The following KIF18A variants were observed in gnomAD, a reference collection of about 807,000 sequenced individuals.
KIF18A encodes kinesin family member 18A.
Under a neutral mutation model 103.3 loss-of-function variants are expected in KIF18A, and 67 were observed. The observed-to-expected ratio is 0.65, with a 90% CI of 0.53 to 0.79. KIF18A has a LOEUF of 0.79. KIF18A is among the 30% of genes least tolerant of loss of function. The pLI, the probability that KIF18A is intolerant of heterozygous loss-of-function variation, is 0.00. For synonymous variants in KIF18A, 367 were observed against 355.5 expected (o/e 1.03, Z -0.36); for missense variants, 1,032 against 1,062.5 (o/e 0.97, Z 0.40).
At chr11:28,079,829 T>A (rs1432151123) in intron 9 of KIF18A, among the ~76,000 whole-genome samples, 1 of 152,094 alleles carries the variant, frequency 6.6e-6, no homozygotes, top group Non-Finnish European at 1.5e-5. Context: ...AAGATTAACA[T>A]CTTGATCCAG....
chr11:28,048,016 G>T (rs1298059784), intron 13 of KIF18A, among the ~76,000 whole-genome samples: 1 of 152,070 alleles, frequency 6.6e-6, no homozygotes, highest in Admixed American at 6.6e-5. Context: ...TGGCTGGTCT[G>T]TCTCTGAGAG....
chr11:28,076,406 T>C (rs1851091578), intron 10 of KIF18A: 1 of 152,186 alleles, frequency 6.6e-6, no homozygotes, highest in African/African-American at 2.4e-5. Flanking sequence ...CCTGAGTGGG[T>C]AAACTTCGTG....
intron 10 of KIF18A, among the ~76,000 whole-genome samples, chr11:28,073,977 T>C (rs1851057730): frequency 6.6e-6 from 1 of 151,968 alleles, no homozygotes; most frequent in Non-Finnish European, 1.5e-5. Flanking sequence ...GACACTTATA[T>C]AATCTACACA....
intron 13 of KIF18A, among the ~76,000 whole-genome samples, chr11:28,042,362 C>A (rs1850571331): frequency 6.6e-6 from 1 of 151,822 alleles, no homozygotes; most frequent in African/African-American, 2.4e-5. Flanking sequence ...TCTGCATATT[C>A]ATCTCTGGAC....
chr11:28,073,913 T>C (rs1230788178), intron 10 of KIF18A, among the ~76,000 whole-genome samples: 1 of 152,192 alleles, frequency 6.6e-6, no homozygotes, highest in East Asian at 1.9e-4. Flanking sequence ...TATGGCTGCA[T>C]TTCTTGCCTT....
rs2133496562 is a variant in KIF18A, at chr11:28,036,398, T to C, written c.2215A>G (p.Ile739Val). Residue 739 changes from isoleucine to valine, a missense_variant, in exon 14 of 17, where the codon ATA (isoleucine) becomes GTA (valine). Physicochemically the swap from Ile to Val is conservative, Grantham distance 29. Transcript: ENST00000263181. ...TTSFQAISSN[I>V]NSDNCLKMLC... ...ATTTTCAGACAATTATCACTGTTTA[T>C]GTTTGAGCTGATAGCCTGAAAACTT... is the stretch of plus-strand genomic sequence containing the variant. 6.2e-7 allele frequency: 1 copy of C among 1,611,292 alleles called. No homozygotes were observed. Among genetic ancestry groups the C allele is most frequent in the South Asian group, 1.1e-5 (1 of 91,002 alleles).
chr11:28,061,518 T>G (rs1178629923), intron 12 of KIF18A, among the ~76,000 whole-genome samples: 6 of 152,144 alleles, frequency 3.9e-5, no homozygotes, highest in Non-Finnish European at 8.8e-5. Context: ...TCTTGATGAC[T>G]TCAGCTCTTG....
Position 28,069,358 on chromosome 11 carries a change from C to G in KIF18A, c.1491G>C (p.Arg497Ser), listed in dbSNP as rs751919040. 1.2e-6 allele frequency: 2 copies of G among 1,613,676 alleles called. No homozygotes were observed. The highest frequency in any genetic ancestry group is 8.5e-7 in the Non-Finnish European group (1 of 1,179,738). The change falls in exon 11 of 17, where the codon AGG (arginine) becomes AGC (serine). Residue 497 changes from arginine to serine, a missense_variant. Physicochemically the swap from Arg to Ser is moderately radical, Grantham distance 110. Coordinates refer to ENST00000263181, the MANE Select transcript of KIF18A (RefSeq NM_031217.4). ...LKTRRSYLEK[R>S]REEELKQFDE... is the part of the protein sequence containing the mutation. ...CAAATTGCTTCAATTCCTCCTCCCT[C>G]CTTTTCTCCAGGTAGGAGCGACGAG...
intron 16 of KIF18A, 81 bp downstream of exon 16, chr11:28,023,658 GAA>G: frequency 1.6e-6 from 1 of 643,854 alleles, no homozygotes; most frequent in Admixed American, 2.9e-5. Flanking sequence ...AGATTCTTAT[GAA>G]AACACAATAA....
chr11:28,076,504 C>T (rs1851092408), intron 10 of KIF18A: 1 of 152,102 alleles, frequency 6.6e-6, no homozygotes, highest in South Asian at 2.1e-4. Context: ...TACTGACATC[C>T]AGGAATTAAA....
chr11:28,096,802 T>C (rs149152444), intron 2 of KIF18A, among the ~76,000 whole-genome samples: 1 of 151,754 alleles, frequency 6.6e-6, no homozygotes, highest in Non-Finnish European at 1.5e-5. Flanking sequence ...AAAAATAAGA[T>C]ATTAATAATG....
chr11:28,069,250 T>C lies in KIF18A; in HGVS notation c.1590+9A>G, dbSNP rs115314836. The stretch of plus-strand genomic sequence containing the variant: ...CAAATTAAATCTGAACATACAGAGA[T>C]ATTTGTACCTTTGGAATATGACCGT... On this transcript the variant is annotated intron_variant, in intron 11 of 16. Coordinates refer to ENST00000263181, the MANE Select transcript of KIF18A (RefSeq NM_031217.4). 1 of 1,605,456 alleles carries C rather than the reference T, an allele frequency of 6.2e-7. No homozygotes were observed. Among genetic ancestry groups the C allele is most frequent in the African/African-American group, 1.3e-5 (1 of 74,816 alleles).
At chr11:28,102,977 G>A (rs533675122) in intron 1 of KIF18A, among the ~76,000 whole-genome samples, 5 of 152,072 alleles carry the variant, frequency 3.3e-5, no homozygotes, top group South Asian at 2.1e-4. Flanking sequence ...CCTAAATATC[G>A]TTATCTGCGC....
intron 13 of KIF18A, among the ~76,000 whole-genome samples, chr11:28,045,924 C>G (rs1337691573): frequency 6.6e-6 from 1 of 151,340 alleles, no homozygotes. Context: ...ATTTATGCAG[C>G]CAAAAAACAC....
At chr11:28,070,537 C>A (rs937276674) in intron 10 of KIF18A, among the ~76,000 whole-genome samples, 5 of 152,182 alleles carry the variant, frequency 3.3e-5, no homozygotes, top group Non-Finnish European at 7.3e-5. Flanking sequence ...TAGTTGATAG[C>A]CACCGTCATT....
chr11:28,042,211 C>T (rs1590670550), intron 13 of KIF18A, among the ~76,000 whole-genome samples: 1 of 151,738 alleles, frequency 6.6e-6, no homozygotes, highest in East Asian at 1.9e-4. Context: ...AGTCCTAGAA[C>T]AAAAGTAGCA....
At chr11:28,028,834 A>G (rs1850356444) in intron 15 of KIF18A, among the ~76,000 whole-genome samples, 1 of 151,942 alleles carries the variant, frequency 6.6e-6, no homozygotes, top group Non-Finnish European at 1.5e-5. Flanking sequence ...CAATAAAAAA[A>G]GATAAAGGGG....
At chr11:28,086,406 GA>G (rs1325062016) in intron 6 of KIF18A, among the ~76,000 whole-genome samples, 4 of 152,030 alleles carry the variant, frequency 2.6e-5, no homozygotes, top group Non-Finnish European at 5.9e-5. Context: ...TACCTAAAAA[GA>G]AAAAAGTAAA....
At chr11:28,031,568 T>C (rs1050489283) in intron 15 of KIF18A, among the ~76,000 whole-genome samples, 1 of 151,708 alleles carries the variant, frequency 6.6e-6, no homozygotes, top group Admixed American at 6.6e-5. Flanking sequence ...CATTAGGAGA[T>C]ATACCAAATG....
Sources: allele counts gnomAD v4.1 joint callset (sites outside exome capture counted in the v4.1 genomes callset), GRCh38; gene constraint gnomAD v4.1.1; transcripts MANE v1.5; gene names NCBI Gene and HGNC (gene_info 2026-07-23, HGNC 2026-07-21).